ARHGAP39: variants seen among roughly 807,000 people sequenced by gnomAD.
ARHGAP39 encodes rho GTPase-activating protein 39.
A neutral mutation model predicts 106.9 loss-of-function variants in ARHGAP39; 44 were observed. That is an observed-to-expected ratio of 0.41 (90% CI 0.32 to 0.53). The LOEUF (loss-of-function observed/expected upper bound fraction) is 0.53. ARHGAP39 is among the 20% of genes least tolerant of loss of function. The pLI is 0.21. For synonymous variants in ARHGAP39, 768 were observed against 693.2 expected (o/e 1.11, Z -1.69); for missense variants, 1,496 against 1,577.3 (o/e 0.95, Z 0.87).
Position 144,530,236 on chromosome 8 carries a change from CTG to C in ARHGAP39, c.*184_*185del, listed in dbSNP as rs1816619950. 1.5e-6 allele frequency: 1 copy of C among 659,080 alleles called. No homozygotes were observed. Among genetic ancestry groups the C allele is most frequent in the Non-Finnish European group, 2.5e-6 (1 of 398,180 alleles). The allele number at this position is 659,080 out of a possible 1,614,324, so 40.8% of individuals were successfully genotyped here. A position where few individuals can be genotyped will look rare whatever the true frequency, so the allele number is the denominator to read the frequency against. ...GCCAGAGGCGCCCTCCCCGCCGCTG[CTG>C]TGCCCTGGCTGCACCCTCAGACCAG... On this transcript the variant is annotated 3_prime_UTR_variant, in exon 12 of 12. Coordinates refer to ENST00000377307, the MANE Select transcript of ARHGAP39 (RefSeq NM_025251.3).
At chr8:144,669,854 A>G (rs914297195) in intron 1 of ARHGAP39, among the ~76,000 whole-genome samples, 3 of 152,248 alleles carry the variant, frequency 2.0e-5, no homozygotes, top group African/African-American at 7.2e-5. Context: ...TTTAATCAGA[A>G]GGATGAACAA....
intron 2 of ARHGAP39, among the ~76,000 whole-genome samples, chr8:144,600,559 T>G (rs1341057597): frequency 6.7e-6 from 1 of 149,504 alleles, no homozygotes; most frequent in Non-Finnish European, 1.5e-5. Context: ...AGTGTGCGTG[T>G]GCGTGGAGGC....
intron 1 of ARHGAP39, among the ~76,000 whole-genome samples, chr8:144,631,028 G>A (rs1312947691): frequency 1.3e-5 from 2 of 152,360 alleles, no homozygotes; most frequent in African/African-American, 2.4e-5. Flanking sequence ...GACTCATGGC[G>A]GAAGGCCAGC....
At chr8:144,692,146 G>A in the ARHGAP39 span, among the ~76,000 whole-genome samples, 3,287 of 152,174 alleles carry the variant, frequency 0.022, 52 homozygotes, top group Non-Finnish European at 0.035. Context: ...TGGCTTCCCT[G>A]CTGTCTCTCC....
At chr8:144,685,376 G>A (rs1205725531) in intron 1 of ARHGAP39, among the ~76,000 whole-genome samples, 1 of 151,578 alleles carries the variant, frequency 6.6e-6, no homozygotes, top group African/African-American at 2.4e-5. Flanking sequence ...CTTCGGGCCG[G>A]GCACACGCGA....
the ARHGAP39 span, among the ~76,000 whole-genome samples, chr8:144,695,775 G>A: frequency 1.3e-5 from 2 of 152,236 alleles, no homozygotes; most frequent in Admixed American, 1.3e-4. Context: ...GGGGCTTAAA[G>A]ACGATTACAA....
At chr8:144,555,114 G>A (rs1204052273) in intron 4 of ARHGAP39, among the ~76,000 whole-genome samples, 1 of 152,266 alleles carries the variant, frequency 6.6e-6, no homozygotes, top group Non-Finnish European at 1.5e-5. Flanking sequence ...GGTCTTGAGG[G>A]TGGTCTCCAG....
chr8:144,600,731 T>G (rs192383353), intron 2 of ARHGAP39, among the ~76,000 whole-genome samples: 5 of 146,280 alleles, frequency 3.4e-5, no homozygotes, highest in African/African-American at 1.3e-4. Context: ...TGAGTGTGCG[T>G]GTTCAAGGCG....
the ARHGAP39 span, among the ~76,000 whole-genome samples, chr8:144,691,479 A>T: frequency 6.6e-6 from 1 of 152,160 alleles, no homozygotes; most frequent in Non-Finnish European, 1.5e-5. Context: ...GAGACTTTTA[A>T]TGATGGCCTT....
Position 144,581,236 on chromosome 8 carries a change from C to G in ARHGAP39, c.122G>C (p.Arg41Pro). 1 of 1,554,058 alleles carries G rather than the reference C, an allele frequency of 6.4e-7. No homozygotes were observed. The highest frequency in any genetic ancestry group is 1.2e-5 in the South Asian group (1 of 84,386). Reference sequence around the variant, plus strand: ...ACCGGTGACCAGGTTGGCGTACATGCGCTCGCGGGTGCGCGGTTCGATGAT... The same window carrying G: ...ACCGGTGACCAGGTTGGCGTACATGGGCTCGCGGGTGCGCGGTTCGATGAT... Reference protein sequence around the residue: ...VEIIEPRTRERMYANLVTGEC... With the variant: ...VEIIEPRTREPMYANLVTGEC... Residue 41 changes from arginine (R) to proline (P), a missense_variant, in exon 3 of 12, where the codon CGC becomes CCC. Around this residue, in one of 4 missense-constraint regions of ARHGAP39, gnomAD observed 96 missense variants for 107.9 expected, o/e 0.89. Transcript: ENST00000377307.
rs994143369 is a variant in ARHGAP39 at position 144,645,233 on chromosome 8, G to T, written c.-81-39538C>A. ...GAAGAAGCTGGATGAAGTCACAGCCGTGAAACTCAGGCTGGAAGCTCTGGG... is the reference window on the plus strand; with the variant it reads ...GAAGAAGCTGGATGAAGTCACAGCCTTGAAACTCAGGCTGGAAGCTCTGGG... On this transcript the variant is annotated intron_variant, in intron 1 of 11. Coordinates refer to ENST00000377307, the MANE Select transcript of ARHGAP39 (RefSeq NM_025251.3). This position sits in a 1 kb window ranked among gnomAD's most constrained non-coding sequence, Gnocchi z 4.4. Among the ~76,000 whole-genome samples the T allele has an allele frequency of 1.3e-5, 2 of 152,232 alleles. No homozygotes were observed. Among genetic ancestry groups the T allele is most frequent in the Admixed American group, 1.3e-4 (2 of 15,288 alleles).
intron 2 of ARHGAP39, 89 bp from the exon 3 acceptor site, chr8:144,581,366 T>C: frequency 7.4e-7 from 1 of 1,347,736 alleles, no homozygotes; most frequent in Non-Finnish European, 1.0e-6. Context: ...CAGCCCCAGC[T>C]GCGAAACCCA....
At chr8:144,655,952 A>G (rs986484398) in intron 1 of ARHGAP39, among the ~76,000 whole-genome samples, 1 of 152,238 alleles carries the variant, frequency 6.6e-6, no homozygotes, top group Non-Finnish European at 1.5e-5. Context: ...AGGGAACAGC[A>G]TATCTAACAT....
chr8:144,570,317 C>T (rs1050926125), intron 3 of ARHGAP39, among the ~76,000 whole-genome samples: 8 of 152,186 alleles, frequency 5.3e-5, no homozygotes, highest in Non-Finnish European at 7.3e-5. Context: ...TCAGCAATCT[C>T]GTCAATGACT....
chr8:144,633,419 A>T (rs1389521025), intron 1 of ARHGAP39, among the ~76,000 whole-genome samples: 1 of 152,204 alleles, frequency 6.6e-6, no homozygotes, highest in Admixed American at 6.5e-5. Context: ...AGATCATGCC[A>T]CTGCACTCCA....
rs1281020214 is a variant in ARHGAP39, at chr8:144,529,359, A to G, written c.*1063T>C. ...AAATAAAAACGGAACTCTAAAAAAT[A>G]TATATATAAAAACTGGGGAGAAATT... On this transcript the variant is annotated 3_prime_UTR_variant, in exon 12 of 12. Transcript: ENST00000377307. 1 of 153,908 alleles carries G rather than the reference A, an allele frequency of 6.5e-6. No individual in the cohort carries two copies. The highest frequency in any genetic ancestry group is 1.4e-5 in the Non-Finnish European group (1 of 69,228). The allele number at this position is 153,908 out of a possible 1,614,324, so 9.5% of individuals were successfully genotyped here.
At chr8:144,651,662 A>C (rs947569134) in intron 1 of ARHGAP39, among the ~76,000 whole-genome samples, 15 of 152,170 alleles carry the variant, frequency 9.9e-5, no homozygotes, top group African/African-American at 2.9e-4. Flanking sequence ...ATCTGAGATC[A>C]CATCACTGCA....
chr8:144,679,796 C>T lies in ARHGAP39; in HGVS notation c.-82+5890G>A, dbSNP rs1339361249. ...GAGATCGAGACCATCCTGGCTAACA[C>T]AGTGAAACCCCGTGTCTACTAAAAA... On this transcript the variant is annotated intron_variant, in intron 1 of 11. Coordinates refer to ENST00000377307, the MANE Select transcript of ARHGAP39 (RefSeq NM_025251.3). This position sits in a 1 kb window ranked among gnomAD's most constrained non-coding sequence, Gnocchi z 4.7. Among the ~76,000 whole-genome samples, 1 of 152,256 alleles carries T rather than the reference C, an allele frequency of 6.6e-6. No homozygotes were observed. Among genetic ancestry groups the T allele is most frequent in the East Asian group, 1.9e-4 (1 of 5,174 alleles).
intron 4 of ARHGAP39, among the ~76,000 whole-genome samples, chr8:144,552,555 C>T (rs551434125): frequency 5.8e-4 from 88 of 152,240 alleles, no homozygotes; most frequent in Non-Finnish European, 9.4e-4. Context: ...ACTTCACATT[C>T]GCCTGTGTTT....
Sources: allele counts gnomAD v4.1 joint callset (sites outside exome capture counted in the v4.1 genomes callset), GRCh38; gene constraint gnomAD v4.1.1; regional missense constraint gnomAD v4.1.1; non-coding constraint Gnocchi (gnomAD v3.1); transcripts MANE v1.5; gene names NCBI Gene and HGNC (gene_info 2026-07-23, HGNC 2026-07-21).